Variants in BNC2 observed in about 807,000 individuals in gnomAD.
BNC2 encodes the protein zinc finger protein basonuclin-2.
A neutral mutation model predicts 76.3 loss-of-function variants in BNC2; 20 were observed. The observed-to-expected ratio is 0.26, with a 90% CI of 0.18 to 0.38. The LOEUF is 0.38. Among genes scored for constraint, BNC2 ranks in the 10% least tolerant of loss-of-function variants. The probability of loss-of-function intolerance (pLI) is 1.00; values close to 1 mark genes in which losing one functional copy is unlikely to be tolerated. For missense variants in BNC2, 1,382 were observed against 1,399.8 expected (o/e 0.99, Z 0.20); for synonymous variants, 582 against 514.8 (o/e 1.13, Z -1.77).
At chr9:16,716,082 T>C (rs1823988599) in intron 3 of BNC2, among the ~76,000 whole-genome samples, 1 of 152,234 alleles carries the variant, frequency 6.6e-6, no homozygotes, top group South Asian at 2.1e-4. Context: ...CAGCCACCTA[T>C]TTCTCTGAAG....
intron 3 of BNC2, among the ~76,000 whole-genome samples, chr9:16,680,168 T>C (rs1297030369): frequency 6.6e-6 from 1 of 152,204 alleles, no homozygotes; most frequent in Non-Finnish European, 1.5e-5. Flanking sequence ...GTAAATGGTT[T>C]TCCGCCATTT....
chr9:16,683,535 C>CT (rs1822885926), intron 3 of BNC2, among the ~76,000 whole-genome samples: 2 of 152,038 alleles, frequency 1.3e-5, no homozygotes, highest in African/African-American at 4.8e-5. Context: ...CTGGCAAGTC[C>CT]TATAGTGAGC....
intron 1 of BNC2, among the ~76,000 whole-genome samples, chr9:16,863,567 C>T (rs1586945549): frequency 6.6e-6 from 1 of 152,086 alleles, no homozygotes; most frequent in South Asian, 2.1e-4. Flanking sequence ...CAGTGGCGCA[C>T]GCTTGTAGTC....
intron 3 of BNC2, among the ~76,000 whole-genome samples, chr9:16,698,757 T>C (rs190953248): frequency 7.2e-5 from 11 of 152,036 alleles, no homozygotes; most frequent in Admixed American, 7.2e-4. Flanking sequence ...AGGATAACAA[T>C]GCATTTTTTA....
intron 1 of BNC2, among the ~76,000 whole-genome samples, chr9:16,774,030 G>A (rs186007638): frequency 8.5e-5 from 13 of 152,238 alleles, no homozygotes; most frequent in Non-Finnish European, 1.5e-5. Flanking sequence ...TGCCCAGGCT[G>A]GAGTACAGCG....
At chr9:16,845,518 G>T (rs12344890) in intron 1 of BNC2, among the ~76,000 whole-genome samples, 16 of 151,804 alleles carry the variant, frequency 1.1e-4, no homozygotes, top group African/African-American at 3.9e-4. Context: ...TCAGGAGATC[G>T]AGACCATCCT....
chr9:16,821,644 G>T (rs939158987), intron 1 of BNC2, among the ~76,000 whole-genome samples: 1 of 152,096 alleles, frequency 6.6e-6, no homozygotes, highest in African/African-American at 2.4e-5. Context: ...TTGGGAAAGA[G>T]TATTATAATT....
intron 5 of BNC2, among the ~76,000 whole-genome samples, chr9:16,523,251 C>A (rs553526630): frequency 1.3e-5 from 2 of 152,050 alleles, no homozygotes; most frequent in Admixed American, 1.3e-4. Context: ...GTGGGTGGAT[C>A]ATGAAGTCAG....
intron 3 of BNC2, among the ~76,000 whole-genome samples, chr9:16,676,758 A>C (rs1186108543): frequency 1.3e-5 from 2 of 152,264 alleles, no homozygotes; most frequent in Non-Finnish European, 2.9e-5. Flanking sequence ...ATGTAGGGGC[A>C]TCCAGTTCAC....
intron 1 of BNC2, among the ~76,000 whole-genome samples, chr9:16,837,269 G>T (rs992404763): frequency 3.9e-5 from 6 of 152,176 alleles, no homozygotes; most frequent in Non-Finnish European, 5.9e-5. Flanking sequence ...ACTTTGGGAG[G>T]CCAAGGCAGG....
chr9:16,628,479 C>G (rs192050570), intron 3 of BNC2, among the ~76,000 whole-genome samples: 36 of 152,252 alleles, frequency 2.4e-4, no homozygotes, highest in African/African-American at 7.9e-4. Flanking sequence ...TCCAGCCTTC[C>G]ACATGCATCT....
intron 1 of BNC2, among the ~76,000 whole-genome samples, chr9:16,847,293 G>A (rs1433162268): frequency 2.6e-5 from 4 of 151,254 alleles, no homozygotes; most frequent in Non-Finnish European, 5.9e-5. Flanking sequence ...TATGGAGTGT[G>A]TGCGTTTATT....
At chr9:16,834,447 T>G (rs1276671010) in intron 1 of BNC2, among the ~76,000 whole-genome samples, 1 of 152,132 alleles carries the variant, frequency 6.6e-6, no homozygotes, top group Non-Finnish European at 1.5e-5. Context: ...AAGCAAAAAA[T>G]GCACCAGGCT....
At chr9:16,842,217 T>C (rs1818848972) in intron 1 of BNC2, among the ~76,000 whole-genome samples, 1 of 152,202 alleles carries the variant, frequency 6.6e-6, no homozygotes, top group African/African-American at 2.4e-5. Context: ...TTGCAAACTG[T>C]TGACCTACCA....
chr9:16,784,061 G>C (rs1826218366), intron 1 of BNC2, among the ~76,000 whole-genome samples: 1 of 151,836 alleles, frequency 6.6e-6, no homozygotes, highest in African/African-American at 2.4e-5. Flanking sequence ...CTTAAAACAA[G>C]AAAAAAAATT....
chr9:16,492,044 A>G (rs1822289946), intron 5 of BNC2, among the ~76,000 whole-genome samples: 1 of 152,194 alleles, frequency 6.6e-6, no homozygotes, highest in Admixed American at 6.5e-5. Flanking sequence ...ATGAAATATT[A>G]TAAAAACCAG....
chr9:16,779,468 T>C (rs1826064140), intron 1 of BNC2, among the ~76,000 whole-genome samples: 1 of 152,180 alleles, frequency 6.6e-6, no homozygotes, highest in African/African-American at 2.4e-5. Context: ...TACTTATATA[T>C]ACCTTAACGA....
intron 3 of BNC2, among the ~76,000 whole-genome samples, chr9:16,599,459 G>A (rs1342472555): frequency 6.6e-6 from 1 of 152,164 alleles, no homozygotes; most frequent in Non-Finnish European, 1.5e-5. Context: ...CAAATGAATG[G>A]TTCCCTCAAC....
intron 1 of BNC2, among the ~76,000 whole-genome samples, chr9:16,779,246 G>A (rs1210445548): frequency 6.7e-6 from 1 of 149,438 alleles, no homozygotes; most frequent in Non-Finnish European, 1.5e-5. Flanking sequence ...GGAGGCTGCA[G>A]TGAGCCAGTA....
Sources: allele counts gnomAD v4.1 joint callset (sites outside exome capture counted in the v4.1 genomes callset), GRCh38; gene constraint gnomAD v4.1.1; transcripts MANE v1.5; gene names NCBI Gene and HGNC (gene_info 2026-07-23, HGNC 2026-07-21).